The following TNFRSF8 variants were observed in gnomAD, a reference collection of about 807,000 sequenced individuals.
TNFRSF8 encodes the protein tumor necrosis factor receptor superfamily member 8.
TNFRSF8 carries 26 observed loss-of-function variants against 70.8 expected under a neutral mutation model. The observed-to-expected ratio is 0.37, with a 90% CI of 0.27 to 0.51. The LOEUF (loss-of-function observed/expected upper bound fraction) is 0.51, where lower values mean the gene tolerates loss of function less well. Among genes scored for constraint, TNFRSF8 ranks in the 20% least tolerant of loss-of-function variants. The probability of loss-of-function intolerance (pLI) is 0.94; values close to 1 mark genes in which losing one functional copy is unlikely to be tolerated. For missense variants in TNFRSF8, 720 were observed against 807.9 expected (o/e 0.89, Z 1.32); for synonymous variants, 356 against 339.2 (o/e 1.05, Z -0.54).
chr1:12,067,476 G>T lies in TNFRSF8; in HGVS notation c.63+3815G>T, dbSNP rs184546288. On this transcript the variant is annotated intron_variant, in intron 1 of 14. Coordinates refer to ENST00000263932, the MANE Select transcript of TNFRSF8 (RefSeq NM_001243.5). ...GGCCAAGACAGGCAGATTACTTGAG[G>T]CCAGGAGTTCAAGACCAGCCTGGTC... is the stretch of plus-strand genomic sequence containing the variant. Among the ~76,000 whole-genome samples, 553 of 152,220 alleles carry T rather than the reference G, an allele frequency of 3.6e-3. 13 individuals are homozygous for T. Among genetic ancestry groups the T allele is most frequent in the Non-Finnish European group, 8.4e-4 (57 of 68,004 alleles).
intron 1 of TNFRSF8, chr1:12,080,193 C>T (rs1324095683): frequency 1.0e-5 from 5 of 485,820 alleles, no homozygotes; most frequent in Non-Finnish European, 2.0e-5. Context: ...AGGTGATCTG[C>T]TGGCCTCAGC....
At chr1:12,083,686 C>G (rs1641103615) in intron 1 of TNFRSF8, among the ~76,000 whole-genome samples, 1 of 151,912 alleles carries the variant, frequency 6.6e-6, no homozygotes, top group African/African-American at 2.4e-5. Context: ...GACTCTGTCT[C>G]AACAAATTAA....
chr1:12,090,431 A>G lies in TNFRSF8; in HGVS notation c.151+5880A>G, dbSNP rs548731985. On this transcript the variant is annotated intron_variant, in intron 2 of 14. Coordinates refer to ENST00000263932, the MANE Select transcript of TNFRSF8 (RefSeq NM_001243.5). ...CATCTACCCATCTACCCACCCATCCACCCTTCCCCCATCCATCCATCCATC... is the reference window on the plus strand; with the variant it reads ...CATCTACCCATCTACCCACCCATCCGCCCTTCCCCCATCCATCCATCCATC... Among the ~76,000 whole-genome samples the G allele has an allele frequency of 3.3e-3, 411 of 126,232 alleles. 3 individuals are homozygous for G. The highest frequency in any genetic ancestry group is 0.014 in the East Asian group (58 of 4,198). The allele number at this position is 126,232 out of a possible 152,430, so 82.8% of individuals were successfully genotyped here. A position where few individuals can be genotyped will look rare whatever the true frequency, so the allele number is the denominator to read the frequency against.
At chr1:12,136,870 CTTTT>C (rs201470263) in intron 13 of TNFRSF8, among the ~76,000 whole-genome samples, 2 of 118,718 alleles carry the variant, frequency 1.7e-5, no homozygotes, top group Admixed American at 8.5e-5. Flanking sequence ...ATACTCAGTT[CTTTT>C]TTTTTTTTTT....
At position 12,128,413 on chromosome 1, in the gene TNFRSF8, C is replaced by T. The variant is rs76577095; in HGVS notation, c.1309+2177C>T. On this transcript the variant is annotated intron_variant, in intron 12 of 14. Transcript: ENST00000263932. ...GCGATGAGAGGCCCACCAACCAGCC[C>T]TCGAGTGGATCGACCTTCCCGTGTG... Among the ~76,000 whole-genome samples the T allele has an allele frequency of 1.2e-4, 18 of 152,326 alleles. 3 individuals are homozygous for T. Among genetic ancestry groups the T allele is most frequent in the South Asian group, 8.3e-4 (4 of 4,822 alleles).
intron 8 of TNFRSF8, among the ~76,000 whole-genome samples, chr1:12,122,235 T>C (rs964030807): frequency 2.0e-5 from 3 of 152,138 alleles, no homozygotes; most frequent in Non-Finnish European, 4.4e-5. Context: ...CTTGCTATGT[T>C]GCTTAGGCTG....
chr1:12,084,375 C>A, intron 1 of TNFRSF8, 89 bp from the exon 2 acceptor site: 1 of 1,184,088 alleles, frequency 8.4e-7, no homozygotes, highest in Non-Finnish European at 1.3e-6. Flanking sequence ...TTACAAAGCT[C>A]CGTCTCAGGC....
intron 3 of TNFRSF8, among the ~76,000 whole-genome samples, chr1:12,099,918 C>T (rs546087754): frequency 6.6e-6 from 1 of 152,178 alleles, no homozygotes; most frequent in South Asian, 2.1e-4. Context: ...CCTGTAATGC[C>T]AGCACTTTGG....
intron 1 of TNFRSF8, among the ~76,000 whole-genome samples, chr1:12,068,413 G>A (rs1246987465): frequency 2.0e-5 from 3 of 152,110 alleles, no homozygotes; most frequent in Admixed American, 6.6e-5. Context: ...AGGACTGGTC[G>A]GGGTAGAGCC....
At position 12,123,381 on chromosome 1, in the gene TNFRSF8, ACTCCCCCACC is replaced by A. The variant is rs1217248222; in HGVS notation, c.1040+6_1040+15del. ...AGAATGGCGAGGCGCCTGCCAGGTG[ACTCCCCCACC>A]CCTTCTCTCTGTTTGGCTGCTGCAG... On this transcript the variant is annotated splice_donor_5th_base_variant and intron_variant, in intron 9 of 14. Coordinates refer to ENST00000263932, the MANE Select transcript of TNFRSF8 (RefSeq NM_001243.5). The A allele has an allele frequency of 6.2e-7, 1 of 1,602,882 alleles. No homozygotes were observed. The highest frequency in any genetic ancestry group is 1.1e-5 in the South Asian group (1 of 88,784).
intron 3 of TNFRSF8, among the ~76,000 whole-genome samples, chr1:12,097,997 T>C (rs1641359692): frequency 6.6e-6 from 1 of 152,368 alleles, no homozygotes; most frequent in South Asian, 2.1e-4. Flanking sequence ...CCCAGTATAC[T>C]TGTTCATCTA....
At chr1:12,071,250 C>T (rs1640838593) in intron 1 of TNFRSF8, among the ~76,000 whole-genome samples, 1 of 152,112 alleles carries the variant, frequency 6.6e-6, no homozygotes, top group African/African-American at 2.4e-5. Flanking sequence ...ACCAGCCTGG[C>T]CAACATGGCG....
chr1:12,140,755 TC>T (rs1357704453), intron 14 of TNFRSF8, among the ~76,000 whole-genome samples: 6 of 152,148 alleles, frequency 3.9e-5, no homozygotes, highest in African/African-American at 1.4e-4. Context: ...GACCAGCCTG[TC>T]CCCAGCTGTG....
At chr1:12,098,193 C>T (rs1281111785) in intron 3 of TNFRSF8, among the ~76,000 whole-genome samples, 1 of 152,066 alleles carries the variant, frequency 6.6e-6, no homozygotes, top group African/African-American at 2.4e-5. Flanking sequence ...ATTAATATTG[C>T]TATTCCTTCC....
At chr1:12,064,640 C>A (rs1399839105) in intron 1 of TNFRSF8, among the ~76,000 whole-genome samples, 1 of 152,132 alleles carries the variant, frequency 6.6e-6, no homozygotes, top group Non-Finnish European at 1.5e-5. Context: ...TGGATCAATT[C>A]TAGTCATCTG....
Position 12,142,350 on chromosome 1 carries a change from A to T in TNFRSF8, c.1607A>T (p.Glu536Val). Residue 536 changes from glutamate (E) to valine (V), a missense_variant, in exon 15 of 15, where the codon GAG becomes GTG. Transcript: ENST00000263932. The surrounding 1 kb of genome is among the most constrained non-coding windows in gnomAD (Gnocchi z 5.0). Reference protein sequence around the residue: ...IVGTVKAELPEGRGLAGPAEP... With the variant: ...IVGTVKAELPVGRGLAGPAEP... ...GGGACCGTGAAGGCTGAGCTGCCGG[A>T]GGGCCGGGGCCTGGCGGGGCCAGCA... The T allele has an allele frequency of 6.2e-7, 1 of 1,607,996 alleles. No individual in the cohort carries two copies. The highest frequency in any genetic ancestry group is 8.5e-7 in the Non-Finnish European group (1 of 1,177,412).
At position 12,119,646 on chromosome 1, in the gene TNFRSF8, G is replaced by A. The variant is rs1240896414; in HGVS notation, c.947-3638G>A. Among the ~76,000 whole-genome samples, 2 of 151,118 alleles carry A rather than the reference G, an allele frequency of 1.3e-5. No individual in the cohort carries two copies. The highest frequency in any genetic ancestry group is 1.3e-4 in the Admixed American group (2 of 15,114). Reference sequence around the variant, plus strand: ...AGACAGGGTCTCACTCTGTGTTCCAGGCTGGAGTGCAGTGGCATGATCTTG... The same window carrying A: ...AGACAGGGTCTCACTCTGTGTTCCAAGCTGGAGTGCAGTGGCATGATCTTG... On this transcript the variant is annotated intron_variant, in intron 8 of 14. Transcript: ENST00000263932. This position sits in a 1 kb window ranked among gnomAD's most constrained non-coding sequence, Gnocchi z 4.4.
chr1:12,068,159 C>G (rs1034164663), intron 1 of TNFRSF8, among the ~76,000 whole-genome samples: 1 of 152,176 alleles, frequency 6.6e-6, no homozygotes, highest in Non-Finnish European at 1.5e-5. Context: ...CCTCATCACC[C>G]TTCTTCACAT....
chr1:12,122,048 C>T (rs1056141825), intron 8 of TNFRSF8, among the ~76,000 whole-genome samples: 26 of 152,214 alleles, frequency 1.7e-4, no homozygotes, highest in African/African-American at 6.0e-4. Flanking sequence ...CGGTGGTTGC[C>T]TGGATCTGGA....
Sources: gnomAD v4.1 joint callset for allele counts (sites outside exome capture counted in the v4.1 genomes callset) on GRCh38, gnomAD v4.1.1 for gene constraint, Gnocchi (gnomAD v3.1) non-coding constraint, MANE v1.5 for transcripts, NCBI Gene and HGNC (gene_info 2026-07-23, HGNC 2026-07-21) for gene names.